Variants in SNTG2 observed in about 807,000 individuals in gnomAD.
SNTG2 encodes syntrophin gamma 2.
Under a neutral mutation model 70.9 loss-of-function variants are expected in SNTG2, and 74 were observed. That is an observed-to-expected ratio of 1.04 (90% confidence interval 0.86 to 1.27). The LOEUF (loss-of-function observed/expected upper bound fraction) is 1.27, where lower values mean the gene tolerates loss of function less well. Ranked by LOEUF, SNTG2 falls within the 50% of genes most tolerant of loss-of-function variation. The pLI is 0.00. For synonymous variants in SNTG2, 278 were observed against 273.8 expected (o/e 1.02, Z -0.15); for missense variants, 717 against 690.7 (o/e 1.04, Z -0.43).
chr2:1,267,700 C>A (rs951405600), intron 14 of SNTG2, 129 bp downstream of exon 14: 2 of 868,638 alleles, frequency 2.3e-6, no homozygotes, highest in Non-Finnish European at 3.6e-6. Context: ...TTCACCGGAG[C>A]TACTGTGTGG....
At chr2:1,187,011 G>A (rs774076931) in intron 8 of SNTG2, among the ~76,000 whole-genome samples, 11 of 152,164 alleles carry the variant, frequency 7.2e-5, no homozygotes, top group Non-Finnish European at 1.3e-4. Context: ...ATTCAGCACA[G>A]GGAATGCAGA....
At chr2:963,142 A>G (rs1172923093) in intron 1 of SNTG2, among the ~76,000 whole-genome samples, 1 of 152,186 alleles carries the variant, frequency 6.6e-6, no homozygotes, top group Non-Finnish European at 1.5e-5. Context: ...TTTTAAAAAA[A>G]AAACTTCATT....
At chr2:1,005,839 A>AAACGT (rs1659550698) in intron 1 of SNTG2, among the ~76,000 whole-genome samples, 1 of 18,552 alleles carries the variant, frequency 5.4e-5, no homozygotes, top group Non-Finnish European at 1.2e-4. Context: ...ATATATATAT[A>AAACGT]TATATATATA....
intron 7 of SNTG2, among the ~76,000 whole-genome samples, chr2:1,172,107 C>T (rs1375562704): frequency 6.6e-6 from 1 of 152,214 alleles, no homozygotes; most frequent in Non-Finnish European, 1.5e-5. Context: ...CAAGTTCAAG[C>T]CTCCATTCTG....
intron 1 of SNTG2, among the ~76,000 whole-genome samples, chr2:972,244 G>C (rs2147957206): frequency 6.6e-6 from 1 of 152,236 alleles, no homozygotes; most frequent in South Asian, 2.1e-4. Flanking sequence ...TGGTGTTAAA[G>C]TCTCCCACTC....
chr2:964,991 C>T (rs1002764132), intron 1 of SNTG2, among the ~76,000 whole-genome samples: 1 of 58,378 alleles, frequency 1.7e-5, no homozygotes, highest in African/African-American at 1.8e-4. Context: ...ACCTCCTTGG[C>T]CACCTTTGCT....
chr2:990,530 A>T (rs982145992), intron 1 of SNTG2, among the ~76,000 whole-genome samples: 10 of 152,216 alleles, frequency 6.6e-5, no homozygotes, highest in Admixed American at 2.6e-4. Context: ...AGATCACATG[A>T]GGAGGCTCAA....
At position 1,002,421 on chromosome 2, in the gene SNTG2, A is replaced by C. The variant is rs533700864; in HGVS notation, c.72+51353A>C. Among the ~76,000 whole-genome samples the C allele has an allele frequency of 2.6e-5, 4 of 152,088 alleles. 1 individual carries two copies. Among genetic ancestry groups the C allele is most frequent in the African/African-American group, 9.7e-5 (4 of 41,440 alleles). ...AACTCAATAACAAAAGCAACCACTT[A>C]AAAGTAGGCAAAAGTAGGCAAAAGA... On this transcript the variant is annotated intron_variant, in intron 1 of 16. Transcript: ENST00000308624.
chr2:1,238,354 A>G (rs1171493721), intron 10 of SNTG2, among the ~76,000 whole-genome samples: 3 of 152,128 alleles, frequency 2.0e-5, no homozygotes, highest in Admixed American at 6.5e-5. Context: ...TATTTTACCC[A>G]AATGCATTGA....
At chr2:1,146,929 C>T (rs922842056) in intron 6 of SNTG2, among the ~76,000 whole-genome samples, 1 of 152,162 alleles carries the variant, frequency 6.6e-6, no homozygotes, top group African/African-American at 2.4e-5. Context: ...ATTTCCTCCT[C>T]CTTTTGTTAA....
intron 11 of SNTG2, among the ~76,000 whole-genome samples, chr2:1,245,189 T>G (rs1677348375): frequency 6.7e-6 from 1 of 149,000 alleles, no homozygotes; most frequent in African/African-American, 2.5e-5. Flanking sequence ...CGTTAGTGGG[T>G]GCAGCACACC....
chr2:1,159,010 G>A (rs1437993959), intron 6 of SNTG2, among the ~76,000 whole-genome samples: 9 of 152,138 alleles, frequency 5.9e-5, no homozygotes, highest in South Asian at 2.1e-4. Flanking sequence ...GTGGATGTCC[G>A]TGTGTGTGTC....
intron 8 of SNTG2, among the ~76,000 whole-genome samples, chr2:1,182,013 CT>C (rs1671937687): frequency 6.6e-6 from 1 of 152,220 alleles, no homozygotes; most frequent in Admixed American, 6.5e-5. Context: ...TTCCCATCTT[CT>C]GCAAATTCTG....
At chr2:1,165,437 C>A (rs1670642309) in intron 6 of SNTG2, 111 bp from the exon 7 acceptor site, 2 of 1,042,758 alleles carry the variant, frequency 1.9e-6, no homozygotes, top group Non-Finnish European at 2.8e-6. Flanking sequence ...TCAGAGGTAA[C>A]TATGAACTTT....
chr2:1,112,349 G>A (rs1208959017), intron 4 of SNTG2, among the ~76,000 whole-genome samples: 1 of 151,864 alleles, frequency 6.6e-6, no homozygotes, highest in African/African-American at 2.4e-5. Context: ...ACTCCTTTGA[G>A]AAGAATCGTG....
intron 1 of SNTG2, among the ~76,000 whole-genome samples, chr2:992,431 T>C (rs919382840): frequency 7.9e-5 from 12 of 152,168 alleles, no homozygotes; most frequent in African/African-American, 1.7e-4. Flanking sequence ...GTATTTAGTT[T>C]TGGCACCCTC....
In SNTG2 at chr2:1,098,217, A is replaced by C; in HGVS notation, c.232A>C (p.Arg78=). The C allele has an allele frequency of 1.2e-6, 2 of 1,614,034 alleles. No individual in the cohort carries two copies. Among genetic ancestry groups the C allele is most frequent in the Middle Eastern group, 1.6e-4 (1 of 6,062 alleles). The change falls in exon 3 of 17, where the codon AGA becomes CGA. Residue 78 remains arginine (R), a synonymous_variant. Coordinates refer to ENST00000308624, the MANE Select transcript of SNTG2 (RefSeq NM_018968.4). ...AAAGCGCAGAACTGTTACACTCCGCAGACAGCCAGTTGGCGGCTTGGGCCT... is the reference window on the plus strand; with the variant it reads ...AAAGCGCAGAACTGTTACACTCCGCCGACAGCCAGTTGGCGGCTTGGGCCT... ...GRNRRTVTLR[R]QPVGGLGLSI... is the part of the protein sequence containing the mutation.
At chr2:1,132,733 G>C (rs1394639318) in intron 4 of SNTG2, among the ~76,000 whole-genome samples, 1 of 152,158 alleles carries the variant, frequency 6.6e-6, no homozygotes, top group Admixed American at 6.5e-5. Context: ...AAGAAGCTGA[G>C]CCATGTGTTA....
chr2:1,251,540 C>G (rs909458557), intron 12 of SNTG2, among the ~76,000 whole-genome samples: 3 of 144,964 alleles, frequency 2.1e-5, no homozygotes, highest in African/African-American at 7.7e-5. Context: ...ACACACATAA[C>G]ATATGCACAC....
Sources: allele counts gnomAD v4.1 joint callset (sites outside exome capture counted in the v4.1 genomes callset), GRCh38; gene constraint gnomAD v4.1.1; transcripts MANE v1.5; gene names NCBI Gene and HGNC (gene_info 2026-07-23, HGNC 2026-07-21).